DIS3L2: variants seen among roughly 807,000 people sequenced by gnomAD.
DIS3L2 encodes the protein DIS3-like exonuclease 2.
In DIS3L2, 34 loss-of-function variants were observed where a neutral mutation model predicts 97.5. That is an observed-to-expected ratio of 0.35 (90% confidence interval 0.27 to 0.46). The LOEUF (loss-of-function observed/expected upper bound fraction) is 0.46. DIS3L2 is among the 20% of genes least tolerant of loss of function. The pLI, the probability that DIS3L2 is intolerant of heterozygous loss-of-function variation, is 1.00. For missense variants in DIS3L2, 1,038 were observed against 1,146.0 expected (o/e 0.91, Z 1.36); for synonymous variants, 435 against 445.2 (o/e 0.98, Z 0.29).
chr2:232,055,735 G>A (rs1242587730), intron 5 of DIS3L2, among the ~76,000 whole-genome samples: 1 of 152,162 alleles, frequency 6.6e-6, no homozygotes, highest in East Asian at 1.9e-4. Flanking sequence ...CCATAAGTGA[G>A]CACAGTTACA....
chr2:231,970,643 GAGTC>G (rs1370126949), intron 1 of DIS3L2, among the ~76,000 whole-genome samples: 2 of 152,196 alleles, frequency 1.3e-5, no homozygotes, highest in Non-Finnish European at 2.9e-5. Context: ...TTGCTCGGGT[GAGTC>G]AGTGAGTGAG....
intron 9 of DIS3L2, 81 bp from the exon 10 acceptor site, chr2:232,210,245 C>A: frequency 9.0e-7 from 1 of 1,108,258 alleles, no homozygotes. Context: ...GCAAAATTCA[C>A]TGTTCTTTAA....
downstream of DIS3L2, among the ~76,000 whole-genome samples, chr2:232,341,743 C>T (rs1252310904): frequency 6.6e-6 from 1 of 152,194 alleles, no homozygotes; most frequent in Non-Finnish European, 1.5e-5. Context: ...GGCTGCTAAG[C>T]TAATATGGCA....
At chr2:231,993,570 T>G (rs3116160) in intron 1 of DIS3L2, among the ~76,000 whole-genome samples, 69,742 of 152,014 alleles carry the variant, frequency 0.46, 18,486 homozygotes, top group Non-Finnish European at 0.6. Flanking sequence ...GTCCCCCAGT[T>G]ACCTCTGAGG....
chr2:232,294,118 C>CA (rs1694666845), intron 13 of DIS3L2, among the ~76,000 whole-genome samples: 1 of 152,332 alleles, frequency 6.6e-6, no homozygotes, highest in African/African-American at 2.4e-5. Flanking sequence ...TGACCAGAAG[C>CA]ACTCAACAAG....
chr2:232,107,714 A>T (rs1158964453), intron 6 of DIS3L2, among the ~76,000 whole-genome samples: 1 of 152,172 alleles, frequency 6.6e-6, no homozygotes, highest in Non-Finnish European at 1.5e-5. Flanking sequence ...AAAAGAAATG[A>T]TAAGGGGAAT....
At chr2:231,997,314 C>T (rs1446064877) in intron 1 of DIS3L2, among the ~76,000 whole-genome samples, 21 of 152,212 alleles carry the variant, frequency 1.4e-4, no homozygotes, top group Non-Finnish European at 2.6e-4. Context: ...CCTTTCAGGA[C>T]ATTTAATCTT....
intron 14 of DIS3L2, among the ~76,000 whole-genome samples, chr2:232,314,473 T>A (rs1343122932): frequency 6.6e-6 from 1 of 151,974 alleles, no homozygotes. Context: ...GGGAGCTCCC[T>A]AGCCCGAGAA....
intron 10 of DIS3L2, among the ~76,000 whole-genome samples, chr2:232,218,167 C>T (rs1042794317): frequency 1.3e-5 from 2 of 152,148 alleles, no homozygotes; most frequent in Admixed American, 6.5e-5. Flanking sequence ...GATTCAGTGG[C>T]CTAAAGCTCT....
chr2:232,299,181 A>G (rs905461072), intron 13 of DIS3L2, among the ~76,000 whole-genome samples: 3 of 151,982 alleles, frequency 2.0e-5, no homozygotes, highest in Non-Finnish European at 2.9e-5. Flanking sequence ...ATGTACCTCA[A>G]ATTGTCCATT....
chr2:232,116,680 G>T (rs556799458), intron 6 of DIS3L2, among the ~76,000 whole-genome samples: 2 of 152,162 alleles, frequency 1.3e-5, no homozygotes, highest in African/African-American at 4.8e-5. Context: ...AAACTGGGTC[G>T]TGTGGCTCTG....
At chr2:232,336,436 A>G in intron 20 of DIS3L2, 33 bp from the exon 21 acceptor site, 1 of 1,597,460 alleles carries the variant, frequency 6.3e-7, no homozygotes. Context: ...AGGCCCTGCC[A>G]TCCTTGTCCC....
chr2:231,967,542 T>C (rs1196396674), intron 1 of DIS3L2, among the ~76,000 whole-genome samples: 1 of 152,256 alleles, frequency 6.6e-6, no homozygotes, highest in African/African-American at 2.4e-5. Flanking sequence ...GCAACAGTTA[T>C]ACCAAGAAGG....
At chr2:232,026,331 T>C (rs1440162811) in intron 4 of DIS3L2, among the ~76,000 whole-genome samples, 2 of 152,098 alleles carry the variant, frequency 1.3e-5, no homozygotes, top group East Asian at 3.9e-4. Context: ...AATGTAGAAT[T>C]CTCAGATTTC....
At chr2:232,253,793 A>G (rs1367065637) in intron 12 of DIS3L2, among the ~76,000 whole-genome samples, 1 of 152,028 alleles carries the variant, frequency 6.6e-6, no homozygotes, top group African/African-American at 2.4e-5. Flanking sequence ...ATATCCAAAT[A>G]CTCTTTTAAA....
At chr2:232,040,695 CTG>C (rs1695087034) in intron 5 of DIS3L2, among the ~76,000 whole-genome samples, 1 of 152,178 alleles carries the variant, frequency 6.6e-6, no homozygotes, top group Non-Finnish European at 1.5e-5. Context: ...GTACCAGGTA[CTG>C]TGTTTAGTGT....
intron 6 of DIS3L2, among the ~76,000 whole-genome samples, chr2:232,115,529 T>G (rs1046750288): frequency 6.6e-6 from 1 of 152,190 alleles, no homozygotes; most frequent in Non-Finnish European, 1.5e-5. Flanking sequence ...TCTGAGGCTG[T>G]TTGCCTGTGA....
At chr2:232,193,213 A>G (rs775500939) in intron 9 of DIS3L2, among the ~76,000 whole-genome samples, 4 of 152,214 alleles carry the variant, frequency 2.6e-5, no homozygotes, top group Admixed American at 1.3e-4. Flanking sequence ...AGGACAGACA[A>G]CCTAATGTGA....
chr2:232,283,194 A>G (rs1694343036), intron 13 of DIS3L2, among the ~76,000 whole-genome samples: 1 of 152,216 alleles, frequency 6.6e-6, no homozygotes, highest in Non-Finnish European at 1.5e-5. Context: ...AGAGATGAGG[A>G]AACTGAGACT....
Sources: allele counts gnomAD v4.1 joint callset (sites outside exome capture counted in the v4.1 genomes callset), GRCh38; gene constraint gnomAD v4.1.1; transcripts MANE v1.5; gene names NCBI Gene and HGNC (gene_info 2026-07-23, HGNC 2026-07-21).